Variants in CFDP1 observed in about 807,000 individuals in gnomAD.
CFDP1 encodes the protein chromatin remodeling protein CFDP1.
CFDP1 carries 31 observed loss-of-function variants against 40.1 expected under a neutral mutation model. The ratio of observed to expected loss-of-function variants is 0.77; its 90% confidence interval spans 0.58 to 1.04. The LOEUF is 1.04. Ranked by LOEUF, CFDP1 falls within the 50% of genes least tolerant of loss-of-function variation. The pLI is 0.00. For missense variants in CFDP1, 423 were observed against 343.4 expected (o/e 1.23, Z -1.83); for synonymous variants, 167 against 120.0 (o/e 1.39, Z -2.56).
chr16:75,409,632 C>T (rs2079138459), intron 4 of CFDP1, among the ~76,000 whole-genome samples: 1 of 152,086 alleles, frequency 6.6e-6, no homozygotes, highest in Non-Finnish European at 1.5e-5. Flanking sequence ...AGAGTTATAT[C>T]GTGCTACAAT....
intron 5 of CFDP1, among the ~76,000 whole-genome samples, chr16:75,324,134 T>C (rs536181982): frequency 2.0e-5 from 3 of 152,080 alleles, no homozygotes; most frequent in Non-Finnish European, 4.4e-5. Context: ...AAGATAAAGA[T>C]ACACAAACAA....
chr16:75,433,291 G>T lies in CFDP1; in HGVS notation c.62C>A (p.Ser21Ter). The T allele has an allele frequency of 2.5e-6, 4 of 1,598,916 alleles. No individual in the cohort carries two copies. The highest frequency in any genetic ancestry group is 1.7e-6 in the Non-Finnish European group (2 of 1,174,328). ...TSEEDEDYVPSGGEYSEDDVN... is the reference protein window; with the variant it reads ...TSEEDEDYVP ...TCGCCTCAGGCGGAATCGCTCACCC[G>T]ACGGCACGTAGTCCTCGTCCTCCTC... Residue 21 changes from serine to a stop codon, truncating the protein, a stop_gained and splice_region_variant, in exon 1 of 7, where the codon TCG becomes TAG. Coordinates refer to ENST00000283882, the MANE Select transcript of CFDP1 (RefSeq NM_006324.3). LOFTEE classifies it high-confidence loss of function.
intron 5 of CFDP1, among the ~76,000 whole-genome samples, chr16:75,370,962 T>A (rs1422620978): frequency 6.6e-6 from 1 of 152,254 alleles, no homozygotes; most frequent in African/African-American, 2.4e-5. Flanking sequence ...TTGGGATCTA[T>A]CTCACTTTGT....
At chr16:75,322,013 AC>A (rs1483697842) in intron 5 of CFDP1, 2 of 152,148 alleles carry the variant, frequency 1.3e-5, no homozygotes, top group Admixed American at 1.3e-4. Context: ...TTTAGTAGAG[AC>A]GGGGTTTCAC....
intron 5 of CFDP1, among the ~76,000 whole-genome samples, chr16:75,346,582 C>CAAAGAAAAAAA (rs2078566798): frequency 1.7e-5 from 1 of 59,346 alleles, no homozygotes; most frequent in Admixed American, 2.4e-4. Context: ...GACTCTGTCT[C>CAAAGAAAAAAA]AAAAAAAAAA....
intron 4 of CFDP1, among the ~76,000 whole-genome samples, chr16:75,407,503 T>C (rs2079111016): frequency 7.3e-6 from 1 of 137,144 alleles, no homozygotes; most frequent in South Asian, 2.4e-4. Flanking sequence ...CACAGTGAGA[T>C]GACATTGCTA....
intron 5 of CFDP1, among the ~76,000 whole-genome samples, chr16:75,347,359 A>AAAAAAAAAAAAAAAAAAAG (rs1555556963): frequency 4.5e-4 from 24 of 53,694 alleles, no homozygotes; most frequent in African/African-American, 1.1e-3. Flanking sequence ...AAAAAAAAAA[A>AAAAAAAAAAAAAAAAAAAG]AAAAAGAAAA....
intron 6 of CFDP1, among the ~76,000 whole-genome samples, chr16:75,302,783 G>A (rs1050775471): frequency 2.0e-5 from 3 of 152,230 alleles, no homozygotes; most frequent in Non-Finnish European, 2.9e-5. Flanking sequence ...AGACAACACT[G>A]CACTTCATCC....
In CFDP1 at chr16:75,403,748, C is replaced by T. The variant is rs904619681; in HGVS notation, c.530+8077G>A. 2.6e-4 allele frequency among the ~76,000 whole-genome samples: 39 copies of T among 152,136 alleles called. 1 individual carries two copies. Among genetic ancestry groups the T allele is most frequent in the African/African-American group, 3.9e-4 (16 of 41,424 alleles). On this transcript the variant is annotated intron_variant, in intron 4 of 6. Transcript: ENST00000283882. ...AACTATTAAAAGTTTATACTGTCAGCGTTCTGCTGGTCCCCTACTGGATGT... is the reference window on the plus strand; with the variant it reads ...AACTATTAAAAGTTTATACTGTCAGTGTTCTGCTGGTCCCCTACTGGATGT...
At chr16:75,328,735 G>GTGTGTGTGTACTTGGCTCACT (rs1308969123) in intron 5 of CFDP1, among the ~76,000 whole-genome samples, 10 of 150,578 alleles carry the variant, frequency 6.6e-5, no homozygotes, top group African/African-American at 2.2e-4. Flanking sequence ...CTGGAGTACA[G>GTGTGTGTGTACTTGGCTCACT]TGGTGTGATC....
intron 5 of CFDP1, among the ~76,000 whole-genome samples, chr16:75,384,919 G>T (rs2078882097): frequency 8.3e-6 from 1 of 120,908 alleles, no homozygotes. Context: ...GTACAGACAG[G>T]GTAAGTCCAC....
chr16:75,320,289 A>G (rs2078353302), intron 5 of CFDP1, among the ~76,000 whole-genome samples: 1 of 152,120 alleles, frequency 6.6e-6, no homozygotes, highest in Non-Finnish European at 1.5e-5. Flanking sequence ...TGTGACCATG[A>G]CTCACACTGG....
intron 5 of CFDP1, among the ~76,000 whole-genome samples, chr16:75,369,510 C>T (rs868083899): frequency 3.9e-5 from 6 of 152,180 alleles, no homozygotes; most frequent in East Asian, 3.8e-4. Context: ...CACATGGCTT[C>T]GCAGTAGGTT....
At chr16:75,346,036 A>G (rs913485360) in intron 5 of CFDP1, among the ~76,000 whole-genome samples, 1 of 152,236 alleles carries the variant, frequency 6.6e-6, no homozygotes, top group East Asian at 1.9e-4. Context: ...TGGTAGTGTG[A>G]GCAACACGGA....
chr16:75,301,108 G>A (rs957214217), intron 6 of CFDP1, among the ~76,000 whole-genome samples: 2 of 152,152 alleles, frequency 1.3e-5, no homozygotes, highest in East Asian at 1.9e-4. Flanking sequence ...AAAGAAAAGC[G>A]AGCACAGGAC....
chr16:75,331,564 C>T (rs930637030), intron 5 of CFDP1, among the ~76,000 whole-genome samples: 4 of 152,270 alleles, frequency 2.6e-5, no homozygotes, highest in Non-Finnish European at 4.4e-5. Flanking sequence ...CCTCCAGCAA[C>T]GACTATTCTG....
intron 1 of CFDP1, among the ~76,000 whole-genome samples, chr16:75,429,672 C>T (rs1769672128): frequency 6.6e-6 from 1 of 152,040 alleles, no homozygotes; most frequent in African/African-American, 2.4e-5. Flanking sequence ...TAAGTAAATA[C>T]ACTGGAGTAC....
intron 4 of CFDP1, among the ~76,000 whole-genome samples, chr16:75,405,217 GTGATACT>G (rs2079087942): frequency 6.6e-6 from 1 of 152,184 alleles, no homozygotes; most frequent in Non-Finnish European, 1.5e-5. Context: ...TACAATGTGT[GTGATACT>G]TCAGAATTAT....
At chr16:75,419,828 C>T (rs2079256513) in intron 1 of CFDP1, among the ~76,000 whole-genome samples, 1 of 152,176 alleles carries the variant, frequency 6.6e-6, no homozygotes, top group Non-Finnish European at 1.5e-5. Context: ...CCTTGTTTAG[C>T]ATATAATCAA....
Sources: gnomAD v4.1 joint callset for allele counts (sites outside exome capture counted in the v4.1 genomes callset) on GRCh38, gnomAD v4.1.1 for gene constraint, MANE v1.5 for transcripts, NCBI Gene and HGNC (gene_info 2026-07-23, HGNC 2026-07-21) for gene names.